FAT3: variants seen among roughly 807,000 people sequenced by gnomAD.
FAT3 encodes the protein FAT atypical cadherin 3.
FAT3 carries 95 observed loss-of-function variants against 310.2 expected under a neutral mutation model. The ratio of observed to expected loss-of-function variants is 0.31; its 90% CI spans 0.26 to 0.36. The LOEUF is 0.36. FAT3 is among the 10% of genes least tolerant of loss of function. The pLI is 1.00. For missense variants in FAT3, 5,408 were observed against 5,715.6 expected (o/e 0.95, Z 1.74); for synonymous variants, 2,314 against 2,192.9 (o/e 1.06, Z -1.54).
At chr11:92,419,380 A>G (rs1226992522) in intron 2 of FAT3, among the ~76,000 whole-genome samples, 1 of 152,094 alleles carries the variant, frequency 6.6e-6, no homozygotes, top group East Asian at 1.9e-4. Flanking sequence ...GGAACCTTGT[A>G]ATAGGTTGCA....
chr11:92,831,872 G>A lies in FAT3; in HGVS notation c.9732G>A (p.Thr3244=), dbSNP rs779417149. Residue 3244 remains threonine, a synonymous_variant, in exon 14 of 28, where the codon ACG becomes ACA. Transcript: ENST00000525166. ...TTGAGAGGAGGGACTACCTGGTGACGGTGCCTGAGGACACCTCCCCTGGCA... is the reference window on the plus strand; with the variant it reads ...TTGAGAGGAGGGACTACCTGGTGACAGTGCCTGAGGACACCTCCCCTGGCA... The part of the protein sequence containing the change: ...PVFERRDYLV[T]VPEDTSPGTQ... The A allele has an allele frequency of 1.1e-5, 18 of 1,613,242 alleles. No homozygotes were observed. Among genetic ancestry groups the A allele is most frequent in the Middle Eastern group, 1.6e-4 (1 of 6,082 alleles).
intron 1 of FAT3, among the ~76,000 whole-genome samples, chr11:92,272,173 A>G (rs1946139247): frequency 6.6e-6 from 1 of 152,120 alleles, no homozygotes. Context: ...AAGGAGCAGC[A>G]AAGCTGCTGT....
chr11:92,468,633 C>G (rs1454750064), intron 2 of FAT3, among the ~76,000 whole-genome samples: 1 of 152,144 alleles, frequency 6.6e-6, no homozygotes, highest in African/African-American at 2.4e-5. Context: ...AACTGACTCA[C>G]AGTTCAACAT....
chr11:92,571,142 G>C (rs1631283), intron 3 of FAT3, among the ~76,000 whole-genome samples: 15,983 of 152,116 alleles, frequency 0.11, 2,051 homozygotes, highest in African/African-American at 0.31. Context: ...TCATTTTAGA[G>C]ATCCTAAAGA....
At chr11:92,646,278 G>A (rs947116396) in intron 3 of FAT3, among the ~76,000 whole-genome samples, 1 of 152,178 alleles carries the variant, frequency 6.6e-6, no homozygotes, top group Non-Finnish European at 1.5e-5. Context: ...GTTAACAAAA[G>A]TACCTGCATG....
chr11:92,666,110 T>C (rs1389100553), intron 3 of FAT3, among the ~76,000 whole-genome samples: 1 of 152,212 alleles, frequency 6.6e-6, no homozygotes, highest in Non-Finnish European at 1.5e-5. Context: ...TCTCACTTGA[T>C]ACAAATTTTG....
At chr11:92,537,264 G>A (rs778925369) in intron 3 of FAT3, among the ~76,000 whole-genome samples, 1 of 152,052 alleles carries the variant, frequency 6.6e-6, no homozygotes, top group African/African-American at 2.4e-5. Context: ...TTGAAGTGAA[G>A]GGAAAAAGGA....
intron 1 of FAT3, among the ~76,000 whole-genome samples, chr11:92,316,902 C>T (rs549071433): frequency 4.6e-5 from 7 of 152,206 alleles, no homozygotes; most frequent in East Asian, 1.9e-4. Context: ...TTTGGGAAAA[C>T]GGAGACCCAT....
chr11:92,653,414 A>C (rs1489334663), intron 3 of FAT3, among the ~76,000 whole-genome samples: 1 of 152,096 alleles, frequency 6.6e-6, no homozygotes, highest in Non-Finnish European at 1.5e-5. Context: ...TGGTTTCAGA[A>C]TATTGCTCGA....
intron 3 of FAT3, among the ~76,000 whole-genome samples, chr11:92,688,073 G>A (rs537873511): frequency 4.6e-5 from 7 of 151,908 alleles, no homozygotes; most frequent in Non-Finnish European, 1.0e-4. Context: ...GGATGATGGT[G>A]CACCGGTAGT....
intron 6 of FAT3, among the ~76,000 whole-genome samples, chr11:92,767,392 A>C (rs1367455459): frequency 6.6e-6 from 1 of 151,972 alleles, no homozygotes; most frequent in African/African-American, 2.4e-5. Flanking sequence ...TGAACACTCC[A>C]GTGTCCAAGC....
intron 3 of FAT3, among the ~76,000 whole-genome samples, chr11:92,527,606 C>A (rs1312171985): frequency 6.6e-6 from 1 of 152,200 alleles, no homozygotes; most frequent in East Asian, 1.9e-4. Flanking sequence ...TAATGAGATT[C>A]ACAGAACTCC....
intron 2 of FAT3, among the ~76,000 whole-genome samples, chr11:92,452,278 T>C (rs1234466187): frequency 2.0e-5 from 3 of 152,182 alleles, no homozygotes; most frequent in African/African-American, 7.2e-5. Context: ...TGGGAACTGA[T>C]GTCAAAAAGT....
chr11:92,611,062 C>G (rs1218715911), intron 3 of FAT3, among the ~76,000 whole-genome samples: 4 of 152,060 alleles, frequency 2.6e-5, no homozygotes, highest in Admixed American at 2.6e-4. Context: ...ACATTTTTCC[C>G]TAGTTCAGGG....
intron 1 of FAT3, among the ~76,000 whole-genome samples, chr11:92,298,696 C>T (rs1324041838): frequency 6.6e-6 from 1 of 152,034 alleles, no homozygotes; most frequent in African/African-American, 2.4e-5. Context: ...TAATCAACTT[C>T]CAATTTTTTT....
chr11:92,824,231 C>T (rs1227855797), intron 13 of FAT3, among the ~76,000 whole-genome samples: 3 of 151,996 alleles, frequency 2.0e-5, no homozygotes, highest in African/African-American at 7.3e-5. Flanking sequence ...GTGGTGTGTG[C>T]CTGTAATCCC....
intron 1 of FAT3, among the ~76,000 whole-genome samples, chr11:92,248,530 G>A (rs1865017117): frequency 6.6e-6 from 1 of 152,116 alleles, no homozygotes; most frequent in Non-Finnish European, 1.5e-5. Context: ...GACTAAATCT[G>A]TGCAGAAAAA....
intron 4 of FAT3, among the ~76,000 whole-genome samples, chr11:92,719,238 T>A (rs999052622): frequency 1.3e-5 from 2 of 152,170 alleles, no homozygotes; most frequent in Non-Finnish European, 2.9e-5. Context: ...CATTTCCTCC[T>A]CTATTAGATG....
chr11:92,296,740 TC>T (rs574390873), intron 1 of FAT3, among the ~76,000 whole-genome samples: 403 of 152,216 alleles, frequency 2.6e-3, no homozygotes, highest in Non-Finnish European at 5.1e-3. Flanking sequence ...TTCTATCTCA[TC>T]CATGACCTCC....
Sources: allele counts gnomAD v4.1 joint callset (sites outside exome capture counted in the v4.1 genomes callset), GRCh38; gene constraint gnomAD v4.1.1; transcripts MANE v1.5; gene names NCBI Gene and HGNC (gene_info 2026-07-23, HGNC 2026-07-21).